The following ARHGEF18 variants were observed in gnomAD, a reference collection of about 807,000 sequenced individuals.
ARHGEF18 encodes rho guanine nucleotide exchange factor 18.
In ARHGEF18, 93 loss-of-function variants were observed where a neutral mutation model predicts 155.7. The ratio of observed to expected loss-of-function variants is 0.60; its 90% CI spans 0.50 to 0.71. The LOEUF is 0.71. Ranked by LOEUF, ARHGEF18 falls within the 30% of genes least tolerant of loss-of-function variation. ARHGEF18 has a pLI of 0.00. For synonymous variants in ARHGEF18, 742 were observed against 753.1 expected (o/e 0.99, Z 0.24); for missense variants, 1,593 against 1,816.1 (o/e 0.88, Z 2.23).
At chr19:7,369,321 C>T (rs565654588) in intron 2 of ARHGEF18, among the ~76,000 whole-genome samples, 45 of 151,940 alleles carry the variant, frequency 3.0e-4, no homozygotes, top group African/African-American at 9.4e-4. Flanking sequence ...ATTAGCTGGG[C>T]GTGGTGGCAC....
intron 9 of ARHGEF18, 26 bp downstream of exon 9, chr19:7,382,920 C>A: frequency 8.1e-7 from 1 of 1,232,434 alleles, no homozygotes; most frequent in Non-Finnish European, 1.0e-6. Flanking sequence ...CCACGGGGGC[C>A]CTCCTCTGCC....
chr19:7,475,536 ACACACACAAC>A (rs949742852), downstream of ARHGEF18, among the ~76,000 whole-genome samples: 98 of 152,110 alleles, frequency 6.4e-4, no homozygotes, highest in African/African-American at 2.3e-3. Context: ...ACACACACAC[ACACACACAAC>A]CACACACACA....
chr19:7,416,138 C>T (rs1412007451), intron 10 of ARHGEF18, among the ~76,000 whole-genome samples: 1 of 152,162 alleles, frequency 6.6e-6, no homozygotes, highest in Non-Finnish European at 1.5e-5. Flanking sequence ...AGGCTCATGC[C>T]TATAATCTCA....
At chr19:7,448,183 C>T (rs77661356) in intron 15 of ARHGEF18, among the ~76,000 whole-genome samples, 4,149 of 152,196 alleles carry the variant, frequency 0.027, 178 homozygotes, top group African/African-American at 0.09. Context: ...CCTCCAGATC[C>T]AGCCTGTCTT....
intron 1 of ARHGEF18, among the ~76,000 whole-genome samples, chr19:7,354,338 G>A (rs1039608198): frequency 2.6e-5 from 4 of 152,002 alleles, no homozygotes; most frequent in African/African-American, 9.6e-5. Context: ...AAAATAACAG[G>A]CTCATGCCTG....
In ARHGEF18 at chr19:7,441,718, A is replaced by G; in HGVS notation, c.1172A>G (p.Asp391Gly). ...TTAAAATTTAAGCAGACAGCTGATG[A>G]CTCTCTGTCCCTTACATCTCCAAAC... ...AFLKFKQTAD[D>G]SLSLTSPNTE... The change falls in exon 12 of 29, where the codon GAC becomes GGC. Residue 391 changes from aspartate to glycine, a missense_variant. Coordinates refer to ENST00000668164, the MANE Select transcript of ARHGEF18 (RefSeq NM_001367823.1). The G allele has an allele frequency of 6.2e-7, 1 of 1,614,042 alleles. No individual in the cohort carries two copies. The highest frequency in any genetic ancestry group is 1.7e-5 in the Admixed American group (1 of 59,990).
At chr19:7,422,974 C>T (rs533767268) in intron 10 of ARHGEF18, among the ~76,000 whole-genome samples, 1 of 152,260 alleles carries the variant, frequency 6.6e-6, no homozygotes, top group South Asian at 2.1e-4. Context: ...CCATCTTGGC[C>T]TCCCAAAGTG....
chr19:7,376,116 C>A (rs1970449395), intron 4 of ARHGEF18, among the ~76,000 whole-genome samples: 1 of 152,118 alleles, frequency 6.6e-6, no homozygotes, highest in Non-Finnish European at 1.5e-5. Flanking sequence ...TGACTCCAAC[C>A]CAAGGGCTGG....
intron 10 of ARHGEF18, among the ~76,000 whole-genome samples, chr19:7,434,882 C>T (rs1974169978): frequency 6.6e-6 from 1 of 152,098 alleles, no homozygotes; most frequent in Non-Finnish European, 1.5e-5. Flanking sequence ...TTCAGAGTCA[C>T]CGAAATGGAT....
At chr19:7,382,681 A>C in intron 8 of ARHGEF18, 111 bp from the exon 9 acceptor site, 1 of 634,738 alleles carries the variant, frequency 1.6e-6, no homozygotes, top group Non-Finnish European at 2.3e-6. Flanking sequence ...GTAAGGCAGG[A>C]CCAGGAGGCC....
At chr19:7,452,756 A>C (rs563145255) in intron 16 of ARHGEF18, among the ~76,000 whole-genome samples, 3 of 150,656 alleles carry the variant, frequency 2.0e-5, no homozygotes, top group Admixed American at 2.0e-4. Context: ...GTGAGCCACC[A>C]TGCCCAGCTG....
intron 3 of ARHGEF18, among the ~76,000 whole-genome samples, chr19:7,375,491 T>C (rs1274624590): frequency 6.6e-6 from 1 of 152,130 alleles, no homozygotes; most frequent in Non-Finnish European, 1.5e-5. Context: ...CGATCTGAGA[T>C]GCAAATGTAG....
In ARHGEF18 at chr19:7,468,886, G is replaced by C. The variant is rs1976832534; in HGVS notation, c.3542G>C (p.Ser1181Thr). 1.3e-6 allele frequency: 2 copies of C among 1,574,088 alleles called. No homozygotes were observed. Among genetic ancestry groups the C allele is most frequent in the East Asian group, 4.7e-5 (2 of 42,330 alleles). The change falls in exon 27 of 29, where the codon AGC (serine) becomes ACC (threonine). Residue 1181 changes from serine (S) to threonine (T), a missense_variant. By Grantham distance (58) the Ser-to-Thr change is moderately conservative. Transcript: ENST00000668164. ...GAAGGGCTGGAGGGCCCTCGTGTGA[G>C]CATGCTGCCATCCGGCGTGGGGCCA... ...NGEGLEGPRVSMLPSGVGPEY... is the reference protein window; with the variant it reads ...NGEGLEGPRVTMLPSGVGPEY...
chr19:7,372,837 G>T lies in ARHGEF18; in HGVS notation c.41G>T (p.Ser14Ile). ...GAGGATGATTTTCCCAGGCGGCTCA[G>T]CGAGAGTATGGAGGACCTCAGCCTG... ...DQEDDFPRRL[S>I]ESMEDLSLDL... The change falls in exon 3 of 29, where the codon AGC becomes ATC. Residue 14 changes from serine to isoleucine, a missense_variant. By Grantham distance (142) the Ser-to-Ile change is moderately radical. Transcript: ENST00000668164. The T allele has an allele frequency of 2.4e-6, 3 of 1,234,504 alleles. No individual in the cohort carries two copies. The highest frequency in any genetic ancestry group is 3.0e-6 in the Non-Finnish European group (3 of 988,264). 76.5% of individuals were successfully genotyped at this position (1,234,504 alleles called of 1,614,324 possible).
intron 1 of ARHGEF18, among the ~76,000 whole-genome samples, chr19:7,352,268 G>T (rs369611687): frequency 4.5e-4 from 69 of 151,950 alleles, no homozygotes; most frequent in African/African-American, 1.5e-3. Flanking sequence ...CTTGAAGATG[G>T]ATTTTGCTCT....
rs1397449671 is a variant in ARHGEF18, at chr19:7,447,038, A to T, written c.1612-5A>T. 1.2e-6 allele frequency: 2 copies of T among 1,611,002 alleles called. No individual in the cohort carries two copies. Among genetic ancestry groups the T allele is most frequent in the Non-Finnish European group, 1.7e-6 (2 of 1,179,208 alleles). ...AATTAACATTTCCATCCTTTTGTTT[A>T]TCAGTTTTCAGGTGAAAATGGGGAG... On this transcript the variant is annotated splice_region_variant and splice_polypyrimidine_tract_variant and intron_variant, in intron 14 of 28. Coordinates refer to ENST00000668164, the MANE Select transcript of ARHGEF18 (RefSeq NM_001367823.1).
chr19:7,350,784 G>C (rs1969138727), intron 1 of ARHGEF18, among the ~76,000 whole-genome samples: 1 of 146,140 alleles, frequency 6.8e-6, no homozygotes, highest in Non-Finnish European at 1.5e-5. Context: ...GTGTGTGTGT[G>C]TGTGTGTGTG....
At chr19:7,436,785 G>A (rs917080006) in intron 10 of ARHGEF18, among the ~76,000 whole-genome samples, 1 of 152,170 alleles carries the variant, frequency 6.6e-6, no homozygotes, top group African/African-American at 2.4e-5. Context: ...TACAGAAATG[G>A]CAAGAAATGC....
intron 22 of ARHGEF18, among the ~76,000 whole-genome samples, chr19:7,464,337 C>T (rs1976483154): frequency 6.6e-6 from 1 of 152,142 alleles, no homozygotes; most frequent in Non-Finnish European, 1.5e-5. Flanking sequence ...CGCACCCAGC[C>T]GATTTTCTGG....
Sources: gnomAD v4.1 joint callset for allele counts (sites outside exome capture counted in the v4.1 genomes callset) on GRCh38, gnomAD v4.1.1 for gene constraint, MANE v1.5 for transcripts, NCBI Gene and HGNC (gene_info 2026-07-23, HGNC 2026-07-21) for gene names.